Variants in KLHL1 observed in about 807,000 individuals in gnomAD.
KLHL1 encodes kelch-like protein 1.
In KLHL1, 47 loss-of-function variants were observed where a neutral mutation model predicts 77.7. The ratio of observed to expected loss-of-function variants is 0.60; its 90% CI spans 0.48 to 0.77. KLHL1 has a LOEUF of 0.77. Ranked by LOEUF, KLHL1 falls within the 30% of genes least tolerant of loss-of-function variation. The probability of loss-of-function intolerance (pLI) is 0.00; values close to 1 mark genes in which losing one functional copy is unlikely to be tolerated. For synonymous variants in KLHL1, 360 were observed against 325.2 expected (o/e 1.11, Z -1.15); for missense variants, 925 against 910.8 (o/e 1.02, Z -0.20).
intron 5 of KLHL1, among the ~76,000 whole-genome samples, chr13:69,879,794 T>C (rs1485256412): frequency 3.3e-5 from 5 of 152,250 alleles, no homozygotes; most frequent in Admixed American, 6.5e-5. Flanking sequence ...TCAGATCCAA[T>C]TGGAGTAAAA....
rs909976311 is a variant in KLHL1, at chr13:69,812,859, C to A, written c.1415-15897G>T. On this transcript the variant is annotated intron_variant, in intron 6 of 10. Coordinates refer to ENST00000377844, the MANE Select transcript of KLHL1 (RefSeq NM_020866.3). ...GAGAGGATGTGGAGAAATAGGAACACTTTTACACTGTTGGTGGGACTGTAA... is the reference window on the plus strand; with the variant it reads ...GAGAGGATGTGGAGAAATAGGAACAATTTTACACTGTTGGTGGGACTGTAA... Among the ~76,000 whole-genome samples, 693 of 147,922 alleles carry A rather than the reference C, an allele frequency of 4.7e-3. 10 individuals carry two copies. The highest frequency in any genetic ancestry group is 0.016 in the African/African-American group (637 of 39,182).
intron 1 of KLHL1, among the ~76,000 whole-genome samples, chr13:69,978,603 C>T (rs1432383612): frequency 2.0e-5 from 3 of 151,750 alleles, no homozygotes; most frequent in Non-Finnish European, 4.4e-5. Context: ...TCTCCTGCCT[C>T]AGCCTCCTGA....
At chr13:69,961,880 T>G (rs1884076019) in intron 2 of KLHL1, among the ~76,000 whole-genome samples, 1 of 152,048 alleles carries the variant, frequency 6.6e-6, no homozygotes, top group African/African-American at 2.4e-5. Context: ...ATTAGAAATA[T>G]GTCTTTATAA....
chr13:70,044,227 C>T (rs141754940), intron 1 of KLHL1, among the ~76,000 whole-genome samples: 4 of 152,246 alleles, frequency 2.6e-5, no homozygotes, highest in Non-Finnish European at 5.9e-5. Flanking sequence ...TTTGCTCCCA[C>T]GTACATGCAC....
At chr13:69,956,188 T>C (rs1883884004) in intron 3 of KLHL1, among the ~76,000 whole-genome samples, 1 of 126,836 alleles carries the variant, frequency 7.9e-6, no homozygotes, top group East Asian at 2.7e-4. Context: ...ATATCTGATA[T>C]ATATATAAAA....
chr13:70,081,410 T>C (rs1318429783), intron 1 of KLHL1, among the ~76,000 whole-genome samples: 2 of 152,206 alleles, frequency 1.3e-5, no homozygotes, highest in African/African-American at 2.4e-5. Flanking sequence ...TTTTCATCTA[T>C]AGGCTCAATT....
chr13:69,781,868 AAT>A (rs1876230607), intron 7 of KLHL1, among the ~76,000 whole-genome samples: 2 of 151,884 alleles, frequency 1.3e-5, no homozygotes, highest in Non-Finnish European at 2.9e-5. Flanking sequence ...TTAACTTTCT[AAT>A]TATTGCTTTT....
intron 1 of KLHL1, among the ~76,000 whole-genome samples, chr13:70,081,146 G>T (rs1454120754): frequency 1.3e-5 from 2 of 152,154 alleles, no homozygotes; most frequent in African/African-American, 4.8e-5. Context: ...GTCCCAGTTT[G>T]TTCAAGACTG....
chr13:70,058,643 A>G (rs969180410), intron 1 of KLHL1, among the ~76,000 whole-genome samples: 3 of 152,198 alleles, frequency 2.0e-5, no homozygotes, highest in Non-Finnish European at 4.4e-5. Context: ...GTACTACACA[A>G]GCAATCTTTA....
intron 1 of KLHL1, among the ~76,000 whole-genome samples, chr13:70,074,271 C>T (rs994071352): frequency 6.6e-6 from 1 of 152,200 alleles, no homozygotes; most frequent in Admixed American, 6.5e-5. Flanking sequence ...AGAAGTACTA[C>T]CATCTCTCGG....
At chr13:70,010,733 A>G (rs1885513202) in intron 1 of KLHL1, among the ~76,000 whole-genome samples, 1 of 151,860 alleles carries the variant, frequency 6.6e-6, no homozygotes, top group Non-Finnish European at 1.5e-5. Context: ...TCTACTAAAA[A>G]TATAAAAAAT....
At chr13:69,820,096 T>C (rs757017275) in intron 6 of KLHL1, among the ~76,000 whole-genome samples, 2 of 152,170 alleles carry the variant, frequency 1.3e-5, no homozygotes, top group Admixed American at 6.5e-5. Flanking sequence ...ATCTATTAAG[T>C]AGGATCTTGC....
chr13:70,062,803 T>G (rs2065452872), intron 1 of KLHL1, among the ~76,000 whole-genome samples: 1 of 152,180 alleles, frequency 6.6e-6, no homozygotes. Context: ...CAATTCATGT[T>G]CGTTTAACAA....
chr13:69,954,080 A>C (rs1883794155), intron 3 of KLHL1, among the ~76,000 whole-genome samples: 1 of 151,308 alleles, frequency 6.6e-6, no homozygotes, highest in Admixed American at 6.6e-5. Flanking sequence ...AAAATGGAGA[A>C]GCCCAAGAGA....
intron 6 of KLHL1, among the ~76,000 whole-genome samples, chr13:69,829,077 T>C (rs2138091811): frequency 6.6e-6 from 1 of 150,660 alleles, no homozygotes; most frequent in Admixed American, 6.6e-5. Flanking sequence ...CAAGCTTATA[T>C]CAGCTGATGC....
intron 7 of KLHL1, among the ~76,000 whole-genome samples, chr13:69,742,632 G>A (rs189506691): frequency 6.6e-6 from 1 of 152,214 alleles, no homozygotes; most frequent in Non-Finnish European, 1.5e-5. Context: ...CAATAAGTAA[G>A]TATGCTTCAC....
intron 4 of KLHL1, among the ~76,000 whole-genome samples, chr13:69,896,832 T>C (rs1881662378): frequency 6.6e-6 from 1 of 151,776 alleles, no homozygotes; most frequent in Non-Finnish European, 1.5e-5. Context: ...CCACCTCACC[T>C]GGCTAATTTT....
At chr13:70,076,330 C>T (rs1381947209) in intron 1 of KLHL1, among the ~76,000 whole-genome samples, 1 of 146,512 alleles carries the variant, frequency 6.8e-6, no homozygotes, top group Non-Finnish European at 1.5e-5. Context: ...CCCACACAAA[C>T]ATAGTCAACT....
At chr13:69,708,541 G>C (rs1875734931) in intron 9 of KLHL1, among the ~76,000 whole-genome samples, 2 of 151,936 alleles carry the variant, frequency 1.3e-5, no homozygotes, top group Non-Finnish European at 2.9e-5. Context: ...CATTGCTCAG[G>C]ATTCACAGTG....
Sources: gnomAD v4.1 joint callset for allele counts (sites outside exome capture counted in the v4.1 genomes callset) on GRCh38, gnomAD v4.1.1 for gene constraint, MANE v1.5 for transcripts, NCBI Gene and HGNC (gene_info 2026-07-23, HGNC 2026-07-21) for gene names.